The following KCNK10 variants were observed in gnomAD, a reference collection of about 807,000 sequenced individuals.
KCNK10 encodes the protein potassium two pore domain channel subfamily K member 10, also known as potassium channel subfamily K member 10.
A neutral mutation model predicts 47.7 loss-of-function variants in KCNK10; 25 were observed. The observed-to-expected ratio is 0.52, with a 90% confidence interval of 0.38 to 0.73. KCNK10 has a LOEUF of 0.73. Among genes scored for constraint, KCNK10 ranks in the 30% least tolerant of loss-of-function variants. KCNK10 has a pLI of 0.00. For missense variants in KCNK10, 563 were observed against 714.5 expected, an observed-to-expected ratio of 0.79 and a Z score of 2.42; for synonymous variants, 303 against 285.6, an observed-to-expected ratio of 1.06 and a Z score of -0.61.
chr14:88,263,405 C>G lies in KCNK10; in HGVS notation c.199G>C (p.Gly67Arg). The change falls in exon 2 of 7, where the codon GGC becomes CGC. Residue 67 changes from glycine to arginine, a missense_variant. Physicochemically the swap from Gly to Arg is moderately radical, Grantham distance 125 (BLOSUM62 -2). Coordinates refer to ENST00000319231, the MANE Select transcript of KCNK10 (RefSeq NM_138317.3). ...VARMEGTSQGGLQTVMKWKTV... is the reference protein window; with the variant it reads ...VARMEGTSQGRLQTVMKWKTV... Reference sequence around the variant, plus strand: ...TTCCACTTCATGACGGTCTGCAAGCCCCCTTGGGAGGTGCCTTCCATCCTG... The same window carrying G: ...TTCCACTTCATGACGGTCTGCAAGCGCCCTTGGGAGGTGCCTTCCATCCTG... 1 of 1,614,132 alleles carries G rather than the reference C, an allele frequency of 6.2e-7. No homozygotes were observed. The highest frequency in any genetic ancestry group is 8.5e-7 in the Non-Finnish European group (1 of 1,180,050).
At chr14:88,293,366 T>G (rs11844917) in intron 1 of KCNK10, among the ~76,000 whole-genome samples, 2 of 152,184 alleles carry the variant, frequency 1.3e-5, no homozygotes, top group Admixed American at 6.5e-5. Flanking sequence ...AGAGCTAGAA[T>G]AGCATAGTTG....
At chr14:88,279,363 A>ATGTG in intron 1 of KCNK10, among the ~76,000 whole-genome samples, 1 of 113,462 alleles carries the variant, frequency 8.8e-6, no homozygotes, top group South Asian at 3.9e-4. Context: ...ATTGCCAGAT[A>ATGTG]CGTGTGTGTG....
Position 88,264,164 on chromosome 14 carries a change from A to G in KCNK10, c.53-613T>C, listed in dbSNP as rs182390794. Among the ~76,000 whole-genome samples the G allele has an allele frequency of 2.0e-5, 3 of 152,342 alleles. No individual in the cohort carries two copies. In the East Asian group the frequency reaches 5.8e-4, roughly 29 times the overall value. On this transcript the variant is annotated intron_variant, in intron 1 of 6. Transcript: ENST00000319231. Reference sequence around the variant, plus strand: ...AGAATTTTTCTTCTATTGTTTTCCAATAAGACGTCATTGGAAAAAAACTGT... The same window carrying G: ...AGAATTTTTCTTCTATTGTTTTCCAGTAAGACGTCATTGGAAAAAAACTGT...
At chr14:88,256,844 G>A (rs1242027221) in intron 2 of KCNK10, among the ~76,000 whole-genome samples, 1 of 152,040 alleles carries the variant, frequency 6.6e-6, no homozygotes, top group African/African-American at 2.4e-5. Context: ...CAAAGTTACT[G>A]AGCTTCTTTT....
At chr14:88,283,755 CA>C (rs904864109) in intron 1 of KCNK10, among the ~76,000 whole-genome samples, 199 of 150,978 alleles carry the variant, frequency 1.3e-3, no homozygotes, top group African/African-American at 4.6e-3. Context: ...ACCAAAAATA[CA>C]AAAAAAAATT....
At chr14:88,196,649 T>C (rs1315721129) in intron 4 of KCNK10, among the ~76,000 whole-genome samples, 1 of 152,230 alleles carries the variant, frequency 6.6e-6, no homozygotes, top group African/African-American at 2.4e-5. Context: ...TCGGGGATTT[T>C]ACTCAAGAAT....
At chr14:88,212,440 CA>C (rs1566687433) in intron 4 of KCNK10, among the ~76,000 whole-genome samples, 1 of 149,174 alleles carries the variant, frequency 6.7e-6, no homozygotes, top group Non-Finnish European at 1.5e-5. Context: ...AACTCCATCT[CA>C]AAAAAAGAAA....
chr14:88,216,636 G>A (rs185186920), intron 4 of KCNK10, among the ~76,000 whole-genome samples: 1 of 152,310 alleles, frequency 6.6e-6, no homozygotes, highest in African/African-American at 2.4e-5. Flanking sequence ...ATTAAGAAAT[G>A]TTGTGTAGTC....
At chr14:88,233,621 A>G (rs1166312710) in intron 3 of KCNK10, among the ~76,000 whole-genome samples, 1 of 152,216 alleles carries the variant, frequency 6.6e-6, no homozygotes, top group Non-Finnish European at 1.5e-5. Flanking sequence ...CTCAAACTCA[A>G]AGATTCCGGT....
chr14:88,261,341 C>G (rs1162752782), intron 2 of KCNK10, among the ~76,000 whole-genome samples: 3 of 152,166 alleles, frequency 2.0e-5, no homozygotes, highest in Admixed American at 6.5e-5. Flanking sequence ...TAATTATACT[C>G]CTACTTAAAA....
chr14:88,200,973 T>C (rs551774116), intron 4 of KCNK10, among the ~76,000 whole-genome samples: 63 of 152,260 alleles, frequency 4.1e-4, no homozygotes, highest in Non-Finnish European at 4.1e-4. Flanking sequence ...TCTCCATATT[T>C]ACTGCTCATA....
At chr14:88,305,345 A>T (rs1888183877) in intron 1 of KCNK10, among the ~76,000 whole-genome samples, 1 of 152,170 alleles carries the variant, frequency 6.6e-6, no homozygotes, top group South Asian at 2.1e-4. Flanking sequence ...AATTACCATA[A>T]ATGATGAGAA....
intron 1 of KCNK10, among the ~76,000 whole-genome samples, chr14:88,272,851 G>A (rs778017443): frequency 4.5e-4 from 68 of 152,264 alleles, no homozygotes; most frequent in Non-Finnish European, 4.9e-4. Flanking sequence ...GAGACAAGGC[G>A]TGTTAAGGAA....
At chr14:88,203,014 C>T (rs1318688519) in intron 4 of KCNK10, among the ~76,000 whole-genome samples, 4 of 152,058 alleles carry the variant, frequency 2.6e-5, no homozygotes, top group Non-Finnish European at 4.4e-5. Flanking sequence ...AAAGCATCAG[C>T]GGGGAGCTTC....
chr14:88,187,625 A>AC (rs147398923), intron 6 of KCNK10, among the ~76,000 whole-genome samples: 1,340 of 74,206 alleles, frequency 0.018, 8 homozygotes, highest in East Asian at 0.045. Flanking sequence ...GACAGGCTGC[A>AC]CCCCCCCACA....
chr14:88,264,693 A>G (rs1330278103), intron 1 of KCNK10, among the ~76,000 whole-genome samples: 1 of 152,222 alleles, frequency 6.6e-6, no homozygotes, highest in Non-Finnish European at 1.5e-5. Flanking sequence ...GCTGAACGTC[A>G]GTCTTTTATG....
intron 1 of KCNK10, among the ~76,000 whole-genome samples, chr14:88,301,910 A>G (rs1198606182): frequency 6.6e-6 from 1 of 152,192 alleles, no homozygotes; most frequent in Non-Finnish European, 1.5e-5. Context: ...TTAAAAGATC[A>G]TTGTGGCTGT....
At chr14:88,223,212 A>G (rs142944322) in intron 4 of KCNK10, among the ~76,000 whole-genome samples, 2 of 152,232 alleles carry the variant, frequency 1.3e-5, no homozygotes, top group East Asian at 3.9e-4. Flanking sequence ...TGACTGTCCA[A>G]CCTTGGACTG....
At chr14:88,290,528 T>C (rs1361405461) in intron 1 of KCNK10, among the ~76,000 whole-genome samples, 1 of 152,196 alleles carries the variant, frequency 6.6e-6, no homozygotes, top group Non-Finnish European at 1.5e-5. Context: ...CTGTGTACAT[T>C]TCACATGAAT....
Sources: gnomAD v4.1 joint callset for allele counts (sites outside exome capture counted in the v4.1 genomes callset) on GRCh38, gnomAD v4.1.1 for gene constraint, MANE v1.5 for transcripts, NCBI Gene and HGNC (gene_info 2026-07-23, HGNC 2026-07-21) for gene names.